The following PCSK9 variants were observed in gnomAD, a reference collection of about 807,000 sequenced individuals.
The protein encoded by PCSK9 is convertase subtilisin/kexin type 9 preproprotein.
PCSK9 carries 57 observed loss-of-function variants against 62.1 expected under a neutral mutation model. The observed-to-expected ratio is 0.92, with a 90% CI of 0.74 to 1.14. The LOEUF (loss-of-function observed/expected upper bound fraction) is 1.14, where lower values mean the gene tolerates loss of function less well. PCSK9 is among the 50% of genes most tolerant of loss of function. The probability of loss-of-function intolerance (pLI) is 0.00; values close to 1 mark genes in which losing one functional copy is unlikely to be tolerated. For synonymous variants in PCSK9, 387 were observed against 409.4 expected, an observed-to-expected ratio of 0.95 and a Z score of 0.66; for missense variants, 870 against 959.8, an observed-to-expected ratio of 0.91 and a Z score of 1.24.
Position 55,052,342 on chromosome 1 carries a change from C to T in PCSK9, c.588C>T (p.Ile196=), listed in dbSNP as rs762910129. Residue 196 remains isoleucine (I), a synonymous_variant, in exon 4 of 12, where the codon ATC becomes ATT. Coordinates refer to ENST00000302118, the MANE Select transcript of PCSK9 (RefSeq NM_174936.4). ...DTSIQSDHRE[I]EGRVMVTDFE... is the part of the protein sequence containing the mutation. ...GCATACAGAGTGACCACCGGGAAATCGAGGGCAGGGTCATGGTCACCGACT... is the reference window on the plus strand; with the variant it reads ...GCATACAGAGTGACCACCGGGAAATTGAGGGCAGGGTCATGGTCACCGACT... 32 of 1,613,832 alleles carry T rather than the reference C, an allele frequency of 2.0e-5. No individual in the cohort carries two copies. The highest frequency in any genetic ancestry group is 2.2e-5 in the East Asian group (1 of 44,888).
Position 55,058,125 on chromosome 1 carries a change from A to C in PCSK9, c.1270A>C (p.Ile424Leu). 6.2e-7 allele frequency: 1 copy of C among 1,613,686 alleles called. No individual in the cohort carries two copies. The highest frequency in any genetic ancestry group is 8.5e-7 in the Non-Finnish European group (1 of 1,180,026). Residue 424 changes from isoleucine (I) to leucine (L), a missense_variant, in exon 8 of 12, where the codon ATC becomes CTC. Physicochemically the swap from Ile to Leu is conservative, Grantham distance 5 (BLOSUM62 2). Transcript: ENST00000302118. ...RLIHFSAKDV[I>L]NEAWFPEDQR... Reference sequence around the variant, plus strand: ...GATCCACTTCTCTGCCAAAGATGTCATCAATGAGGCCTGGTTCCCTGAGGA... The same window carrying C: ...GATCCACTTCTCTGCCAAAGATGTCCTCAATGAGGCCTGGTTCCCTGAGGA...
chr1:55,054,806 C>T (rs1644700244), intron 5 of PCSK9, among the ~76,000 whole-genome samples: 1 of 152,138 alleles, frequency 6.6e-6, no homozygotes, highest in Non-Finnish European at 1.5e-5. Flanking sequence ...GACATCGAGA[C>T]CATCCTTGCT....
Position 55,039,891 on chromosome 1 carries a change from G to GCTA in PCSK9, c.56_57insACT (p.Leu23dup), listed in dbSNP as rs953320289. On this transcript the variant is annotated inframe_insertion, in exon 1 of 12. Coordinates refer to ENST00000302118, the MANE Select transcript of PCSK9 (RefSeq NM_174936.4). ...GGTGGCCGCTGCCACTGCTGCTGCT[G>GCTA]CTGCTGCTGCTCCTGGGTCCCGCGG... 3 of 1,564,614 alleles carry GCTA rather than the reference G, an allele frequency of 1.9e-6. No homozygotes were observed. In the African/African-American group the frequency reaches 4.0e-5, roughly 21 times the overall value.
chr1:55,063,508 G>A lies in PCSK9; in HGVS notation c.2003G>A (p.Ser668Asn). 6.2e-7 allele frequency: 1 copy of A among 1,613,948 alleles called. No individual in the cohort carries two copies. The highest frequency in any genetic ancestry group is 8.5e-7 in the Non-Finnish European group (1 of 1,179,884). Reference sequence around the variant, plus strand: ...GACGTCAGCACTACAGGCAGCACCAGCGAAGGGGCCGTGACAGCCGTTGCC... The same window carrying A: ...GACGTCAGCACTACAGGCAGCACCAACGAAGGGGCCGTGACAGCCGTTGCC... ...SRDVSTTGST[S>N]EGAVTAVAIC... The change falls in exon 12 of 12, where the codon AGC (serine) becomes AAC (asparagine). Residue 668 changes from serine to asparagine, a missense_variant. Physicochemically the swap from Ser to Asn is conservative, Grantham distance 46. Coordinates refer to ENST00000302118, the MANE Select transcript of PCSK9 (RefSeq NM_174936.4).
chr1:55,058,503 G>A lies in PCSK9; in HGVS notation c.1359G>A (p.Trp453Ter). The change falls in exon 9 of 12, where the codon TGG (tryptophan) becomes TGA (stop). Residue 453 changes from tryptophan (W) to a stop codon, truncating the protein, a stop_gained. Transcript: ENST00000302118. LOFTEE classifies it high-confidence loss of function. The part of the protein sequence containing the change: ...ALPPSTHGAG[W>*]QLFCRTVWSA... ...CATCCCAGGCCCTTTTTGCAGGTTGGCAGCTGTTTTGCAGGACTGTATGGT... is the reference window on the plus strand; with the variant it reads ...CATCCCAGGCCCTTTTTGCAGGTTGACAGCTGTTTTGCAGGACTGTATGGT... 1 of 1,612,162 alleles carries A rather than the reference G, an allele frequency of 6.2e-7. No homozygotes were observed. The highest frequency in any genetic ancestry group is 8.5e-7 in the Non-Finnish European group (1 of 1,180,008).
intron 7 of PCSK9, 71 bp downstream of exon 7, chr1:55,057,585 G>T: frequency 1.3e-6 from 2 of 1,517,428 alleles, no homozygotes; most frequent in Non-Finnish European, 1.8e-6. Flanking sequence ...GTCTGTGCCG[G>T]GACCTCCAGT....
chr1:55,041,041 A>C lies in PCSK9; in HGVS notation c.207+997A>C, dbSNP rs762829467. Among the ~76,000 whole-genome samples the C allele has an allele frequency of 3.4e-4, 52 of 152,184 alleles. 1 individual carries two copies. Among genetic ancestry groups the C allele is most frequent in the Non-Finnish European group, 7.1e-4 (48 of 68,044 alleles). On this transcript the variant is annotated intron_variant, in intron 1 of 11. Transcript: ENST00000302118. ...GTGCTTGACAAGTCACTTATCCTTG[A>C]GCCTCCATTGCCTAATCTTTAAAAG...
intron 8 of PCSK9, 144 bp downstream of exon 8, chr1:55,058,353 G>C (rs1183735296): frequency 1.3e-6 from 2 of 1,503,428 alleles, no homozygotes; most frequent in East Asian, 2.3e-5. Flanking sequence ...GCTCTGAAAG[G>C]GCTGTGCAAT....
At chr1:55,056,305 C>G in intron 6 of PCSK9, 116 bp downstream of exon 6, 1 of 1,172,392 alleles carries the variant, frequency 8.5e-7, no homozygotes. Flanking sequence ...GTGGCACGTT[C>G]CTGGAGGCCG....
At position 55,061,382 on chromosome 1, in the gene PCSK9, C is replaced by T; in HGVS notation, c.1689C>T (p.Ser563=). ...HQQGHVLTGC[S]SHWEVEDLGT... is the part of the protein sequence containing the mutation. ...GGCTTTCCTCTGCCCCAGGCTGCAG[C>T]TCCCACTGGGAGGTGGAGGACCTTG... The change falls in exon 11 of 12, where the codon AGC becomes AGT. Residue 563 remains serine, a synonymous_variant. Coordinates refer to ENST00000302118, the MANE Select transcript of PCSK9 (RefSeq NM_174936.4). 6.2e-7 allele frequency: 1 copy of T among 1,607,604 alleles called. No homozygotes were observed. The highest frequency in any genetic ancestry group is 8.5e-7 in the Non-Finnish European group (1 of 1,178,138).
intron 2 of PCSK9, among the ~76,000 whole-genome samples, chr1:55,046,011 T>A (rs753523628): frequency 6.6e-6 from 1 of 152,190 alleles, no homozygotes; most frequent in Non-Finnish European, 1.5e-5. Context: ...TCCCAGCTGC[T>A]GATGCACTCT....
intron 1 of PCSK9, among the ~76,000 whole-genome samples, chr1:55,043,483 T>C (rs1412514252): frequency 6.6e-6 from 1 of 152,152 alleles, no homozygotes; most frequent in African/African-American, 2.4e-5. Flanking sequence ...TTTCCCTCAA[T>C]TTATTCTGAC....
At chr1:55,048,199 C>A (rs928140041) in intron 3 of PCSK9, among the ~76,000 whole-genome samples, 6 of 152,158 alleles carry the variant, frequency 3.9e-5, no homozygotes, top group African/African-American at 1.4e-4. Flanking sequence ...GGCAGCACAC[C>A]AATCCCAGCC....
chr1:55,058,976 C>T (rs1410621826), intron 9 of PCSK9, among the ~76,000 whole-genome samples: 4 of 152,222 alleles, frequency 2.6e-5, no homozygotes, highest in Non-Finnish European at 5.9e-5. Flanking sequence ...CTGGACTCAG[C>T]CATCTCTAGG....
intron 7 of PCSK9, 114 bp from the exon 8 acceptor site, chr1:55,057,922 C>A (rs1644727295): frequency 7.0e-7 from 1 of 1,423,688 alleles, no homozygotes; most frequent in Non-Finnish European, 9.9e-7. Flanking sequence ...AGCTTAGTGT[C>A]TGTGTGCACG....
At chr1:55,055,155 T>C (rs960989286) in intron 5 of PCSK9, among the ~76,000 whole-genome samples, 4 of 152,118 alleles carry the variant, frequency 2.6e-5, no homozygotes, top group Non-Finnish European at 5.9e-5. Context: ...GTCCTAGGCA[T>C]GGAGTCTTTT....
At chr1:55,049,100 A>G (rs1644655412) in intron 3 of PCSK9, among the ~76,000 whole-genome samples, 1 of 152,248 alleles carries the variant, frequency 6.6e-6, no homozygotes, top group African/African-American at 2.4e-5. Flanking sequence ...GAAGGAGTGC[A>G]GGCAGCTGCG....
rs1420071885 is a variant in PCSK9 at position 55,053,804 on chromosome 1, CTCAG to C, written c.799+1018_799+1021del. ...CCACCCCTTTATTGACTGACCTCGG[CTCAG>C]TCAGGTCAGTTCCTGAAGGTCAGTG... On this transcript the variant is annotated intron_variant, in intron 5 of 11. Coordinates refer to ENST00000302118, the MANE Select transcript of PCSK9 (RefSeq NM_174936.4). Among the ~76,000 whole-genome samples the C allele has an allele frequency of 9.2e-5, 14 of 152,304 alleles. No homozygotes were observed. In the East Asian group the frequency reaches 1.9e-3, roughly 21 times the overall value.
Position 55,043,936 on chromosome 1 carries a change from C to A in PCSK9, c.301C>A (p.Gln101Lys). 6.2e-7 allele frequency: 1 copy of A among 1,614,204 alleles called. No homozygotes were observed. Among genetic ancestry groups the A allele is most frequent in the African/African-American group, 1.3e-5 (1 of 75,068 alleles). ...GCGCACTGCCCGCCGCCTGCAGGCCCAGGCTGCCCGCCGGGGATACCTCAC... is the reference window on the plus strand; with the variant it reads ...GCGCACTGCCCGCCGCCTGCAGGCCAAGGCTGCCCGCCGGGGATACCTCAC... ...SERTARRLQA[Q>K]AARRGYLTKI... The change falls in exon 2 of 12, where the codon CAG becomes AAG. Residue 101 changes from glutamine to lysine, a missense_variant. Gln to Lys is a moderately conservative substitution (Grantham distance 53). Transcript: ENST00000302118.
Sources: gnomAD v4.1 joint callset for allele counts (sites outside exome capture counted in the v4.1 genomes callset) on GRCh38, gnomAD v4.1.1 for gene constraint, MANE v1.5 for transcripts, NCBI Gene and HGNC (gene_info 2026-07-23, HGNC 2026-07-21) for gene names.